Variants in ZNF600 observed in about 807,000 individuals in gnomAD.
ZNF600 encodes zinc finger protein KR-ZNF1.
A neutral mutation model predicts 7.3 loss-of-function variants in ZNF600; 4 were observed. The ratio of observed to expected loss-of-function variants is 0.55; its 90% confidence interval spans 0.27 to 1.25. The LOEUF is 1.25. ZNF600 is among the 50% of genes most tolerant of loss of function. ZNF600 has a pLI of 0.12. For missense variants in ZNF600, 911 were observed against 922.1 expected, an observed-to-expected ratio of 0.99 and a Z score of 0.16; for synonymous variants, 290 against 308.9, an observed-to-expected ratio of 0.94 and a Z score of 0.64.
upstream of ZNF600, among the ~76,000 whole-genome samples, chr19:52,787,008 G>C (rs1288075018): frequency 2.0e-5 from 3 of 152,244 alleles, no homozygotes; most frequent in South Asian, 6.2e-4. Context: ...TATCTGGAAC[G>C]GGAATGCAAA....
chr19:52,798,924 C>A, the ZNF600 span: 1 of 1,436,096 alleles, frequency 7.0e-7, no homozygotes, highest in Non-Finnish European at 9.4e-7. Context: ...TTGCCACACT[C>A]ATTGCACTTG....
chr19:52,810,883 CCCCCTCCCCCTCCCCCTCCCT>C, the ZNF600 span, among the ~76,000 whole-genome samples: 1 of 22,824 alleles, frequency 4.4e-5, no homozygotes, highest in African/African-American at 2.4e-4. Context: ...CCCTCCCCCT[CCCCCTCCCCCTCCCCCTCCCT>C]CTCCCTCTCC....
chr19:52,777,339 T>C (rs930831790), intron 2 of ZNF600, among the ~76,000 whole-genome samples: 20 of 152,244 alleles, frequency 1.3e-4, no homozygotes, highest in African/African-American at 4.6e-4. Context: ...ATCCCACCAC[T>C]GCAATCCAAC....
the ZNF600 span, chr19:52,810,784 A>ACAAC: frequency 2.0e-6 from 1 of 495,146 alleles, no homozygotes; most frequent in Non-Finnish European, 3.6e-6. Flanking sequence ...AAAACCCAAA[A>ACAAC]AAAACAGAAG....
the ZNF600 span, among the ~76,000 whole-genome samples, chr19:52,822,895 C>A: frequency 0.46 from 69,751 of 151,930 alleles, 18,012 homozygotes; most frequent in Non-Finnish European, 0.6. Context: ...TTTATTGGAA[C>A]ACAAAGCTTG....
At chr19:52,826,321 A>C in the ZNF600 span, among the ~76,000 whole-genome samples, 29 of 152,278 alleles carry the variant, frequency 1.9e-4, 1 homozygote, top group Middle Eastern at 0.01. Flanking sequence ...TTGTAATCCC[A>C]GCATTTTGGG....
intron 1 of ZNF600, among the ~76,000 whole-genome samples, chr19:52,782,764 T>G (rs553265231): frequency 9.2e-5 from 14 of 152,094 alleles, no homozygotes; most frequent in Non-Finnish European, 1.8e-4. Flanking sequence ...TAATCCCAGC[T>G]GCTCGGGAGG....
chr19:52,831,705 C>A, the ZNF600 span, among the ~76,000 whole-genome samples: 3 of 151,970 alleles, frequency 2.0e-5, no homozygotes, highest in Non-Finnish European at 4.4e-5. Context: ...GGGGTTTCAC[C>A]GTGTTAGCCA....
the ZNF600 span, among the ~76,000 whole-genome samples, chr19:52,815,660 T>G: frequency 1.2e-4 from 17 of 145,648 alleles, no homozygotes; most frequent in Non-Finnish European, 2.4e-4. Flanking sequence ...CCATCTCTAC[T>G]AAAAATACAA....
At chr19:52,791,230 C>A (rs1399839676), upstream of ZNF600, among the ~76,000 whole-genome samples, 1 of 152,200 alleles carries the variant, frequency 6.6e-6, no homozygotes, top group African/African-American at 2.4e-5. Context: ...GCACTGACAC[C>A]ACGGGGCCCA....
At chr19:52,824,080 A>T in the ZNF600 span, among the ~76,000 whole-genome samples, 1 of 148,584 alleles carries the variant, frequency 6.7e-6, no homozygotes, top group Non-Finnish European at 1.5e-5. Flanking sequence ...ACAAAAAATA[A>T]ATAATAATAA....
At chr19:52,831,304 GT>G in the ZNF600 span, among the ~76,000 whole-genome samples, 1 of 151,822 alleles carries the variant, frequency 6.6e-6, no homozygotes. Flanking sequence ...ATAATGACAG[GT>G]TTTTTCTGTT....
At chr19:52,786,969 G>T (rs2062769950), upstream of ZNF600, among the ~76,000 whole-genome samples, 1 of 152,254 alleles carries the variant, frequency 6.6e-6, no homozygotes, top group Non-Finnish European at 1.5e-5. Context: ...GGCCAGGAAG[G>T]CTGAGGCATG....
the ZNF600 span, among the ~76,000 whole-genome samples, chr19:52,824,126 C>T: frequency 1.3e-5 from 2 of 151,696 alleles, no homozygotes; most frequent in Non-Finnish European, 2.9e-5. Flanking sequence ...CGCAGTGGCT[C>T]ATGCCTGAGT....
the ZNF600 span, chr19:52,798,151 G>T: frequency 6.4e-6 from 1 of 156,810 alleles, no homozygotes; most frequent in Non-Finnish European, 1.4e-5. Flanking sequence ...AAAGAAAAAA[G>T]AAAGAAAGAA....
chr19:52,830,952 C>T, the ZNF600 span, among the ~76,000 whole-genome samples: 12,484 of 119,044 alleles, frequency 0.1, 1,068 homozygotes, highest in East Asian at 0.13. Flanking sequence ...AATGGTAAAA[C>T]ATTGACCCAA....
rs111301240 is a variant in ZNF600, at chr19:52,767,004, C to T, written c.959G>A (p.Cys320Tyr). 1,165 of 1,614,164 alleles carry T rather than the reference C, an allele frequency of 7.2e-4. 11 individuals carry two copies. The African/African-American group carries it at 0.014, about 20-fold the overall frequency. Residue 320 changes from cysteine (C) to tyrosine (Y), a missense_variant, in exon 4 of 4, where the codon TGT becomes TAT. Transcript: ENST00000648973. ...TGAATTTTGACCAAAGATCTTGCCA[C>T]ACTCATTACACTTGTGAGATTTTAC...
At chr19:52,822,074 CTTT>C in the ZNF600 span, among the ~76,000 whole-genome samples, 70 of 78,688 alleles carry the variant, frequency 8.9e-4, 1 homozygote, top group South Asian at 0.018. Flanking sequence ...TTCTTTTTCC[CTTT>C]TTTTTTTTTT....
chr19:52,766,569 G>A (rs754308959), exon 4 of ZNF600: 55 of 1,613,788 alleles, frequency 3.4e-5, no homozygotes, highest in African/African-American at 1.2e-4. Context: ...TGAATTCCAC[G>A]CAAAAGCCTT....
Sources: allele counts gnomAD v4.1 joint callset (sites outside exome capture counted in the v4.1 genomes callset), GRCh38; gene constraint gnomAD v4.1.1; transcripts MANE v1.5; gene names NCBI Gene and HGNC (gene_info 2026-07-23, HGNC 2026-07-21).